IGSF11: variants seen among roughly 807,000 people sequenced by gnomAD.
IGSF11 encodes immunoglobulin superfamily member 11.
In IGSF11, 22 loss-of-function variants were observed where a neutral mutation model predicts 41.0. The ratio of observed to expected loss-of-function variants is 0.54; its 90% CI spans 0.38 to 0.77. The LOEUF (loss-of-function observed/expected upper bound fraction) is 0.77. Among genes scored for constraint, IGSF11 ranks in the 30% least tolerant of loss-of-function variants. The pLI is 0.00. For missense variants in IGSF11, 444 were observed against 530.8 expected, an observed-to-expected ratio of 0.84 and a Z score of 1.61; for synonymous variants, 219 against 201.3, an observed-to-expected ratio of 1.09 and a Z score of -0.74.
rs369056259 is a variant in IGSF11 at position 119,005,869 on chromosome 3, C to A, written c.52+28662G>T. Among the ~76,000 whole-genome samples the A allele has an allele frequency of 9.2e-3, 1,168 of 127,412 alleles. 4 individuals carry two copies. The highest frequency in any genetic ancestry group is 0.015 in the Non-Finnish European group (922 of 62,466). The allele number at this position is 127,412 out of a possible 152,430, so 83.6% of individuals were successfully genotyped here. On this transcript the variant is annotated intron_variant, in intron 1 of 6. Transcript: ENST00000393775. ...GATGGGCTTCCCTTTGAGGGTAACCCGACCTTTCTCTCTGGCTGCCCTTAA... is the reference window on the plus strand; with the variant it reads ...GATGGGCTTCCCTTTGAGGGTAACCAGACCTTTCTCTCTGGCTGCCCTTAA...
rs948952448 is a variant in IGSF11, at chr3:119,138,687, G to GA, written c.-14+7125dup. Among the ~76,000 whole-genome samples, 104 of 150,304 alleles carry GA rather than the reference G, an allele frequency of 6.9e-4. 1 individual carries two copies. The South Asian group carries it at 0.01, about 15-fold the overall frequency. ...GCAACATAGCAAGACTCTGTCTCAA[G>GA]AAAAAAAAATGGGATCCTGTCATTT... is the stretch of plus-strand genomic sequence containing the variant. On this transcript the variant is annotated intron_variant, in intron 1 of 7. Transcript: ENST00000425327.
At chr3:119,060,596 C>T (rs1942022910) in intron 1 of IGSF11, among the ~76,000 whole-genome samples, 1 of 152,134 alleles carries the variant, frequency 6.6e-6, no homozygotes, top group Non-Finnish European at 1.5e-5. Flanking sequence ...AGTAATTTTA[C>T]TTCATTTTTC....
intron 1 of IGSF11, among the ~76,000 whole-genome samples, chr3:119,012,219 A>G (rs1938213631): frequency 6.6e-6 from 1 of 152,218 alleles, no homozygotes; most frequent in South Asian, 2.1e-4. Flanking sequence ...GGGACCTCTG[A>G]GAAATATGGA....
intron 1 of IGSF11, among the ~76,000 whole-genome samples, chr3:119,013,797 T>C (rs544021118): frequency 6.6e-6 from 1 of 152,350 alleles, no homozygotes; most frequent in South Asian, 2.1e-4. Context: ...ATCTAGTTAA[T>C]GGCAAAGATA....
intron 1 of IGSF11, chr3:119,105,105 C>T: frequency 1.4e-6 from 2 of 1,384,412 alleles, no homozygotes; most frequent in East Asian, 2.3e-5. Flanking sequence ...ATAATAACCA[C>T]TAATAGTAAT....
At chr3:118,965,133 T>G (rs1945583124) in intron 1 of IGSF11, among the ~76,000 whole-genome samples, 13 of 152,158 alleles carry the variant, frequency 8.5e-5, no homozygotes, top group Admixed American at 8.5e-4. Context: ...ACTCATAGGC[T>G]GATTATCTTC....
chr3:119,113,095 C>A (rs972231792), intron 1 of IGSF11, among the ~76,000 whole-genome samples: 1 of 152,176 alleles, frequency 6.6e-6, no homozygotes, highest in Admixed American at 6.5e-5. Flanking sequence ...GCCCCACGAT[C>A]CAATTACATC....
chr3:118,978,860 A>G (rs1022208721), intron 1 of IGSF11, among the ~76,000 whole-genome samples: 6 of 152,244 alleles, frequency 3.9e-5, no homozygotes, highest in African/African-American at 1.4e-4. Context: ...ATGTAAGGAC[A>G]CAGAAAACAT....
At chr3:118,986,202 C>T (rs1161089922) in intron 1 of IGSF11, among the ~76,000 whole-genome samples, 1 of 152,160 alleles carries the variant, frequency 6.6e-6, no homozygotes, top group Non-Finnish European at 1.5e-5. Flanking sequence ...CCACCCCTCA[C>T]TCCTCTCCCG....
In IGSF11 at chr3:119,084,767, C is replaced by T. The variant is rs535218703; in HGVS notation, c.49+20377G>A. The stretch of plus-strand genomic sequence containing the variant: ...GAGTGCATTCTGGCAGTTTGTAAGC[C>T]CTTCATATCTCTCAGTGCACCCAGA... On this transcript the variant is annotated intron_variant, in intron 1 of 6. Coordinates refer to the IGSF11 transcript ENST00000354673. Among the ~76,000 whole-genome samples the T allele has an allele frequency of 2.0e-5, 3 of 152,324 alleles. No individual in the cohort carries two copies. The South Asian group carries it at 6.2e-4, about 32-fold the overall frequency.
chr3:118,949,993 G>T (rs1422559540), intron 1 of IGSF11, among the ~76,000 whole-genome samples: 1 of 152,288 alleles, frequency 6.6e-6, no homozygotes, highest in African/African-American at 2.4e-5. Flanking sequence ...AGGTTCTGCT[G>T]GAGAGGGGAA....
Position 119,138,466 on chromosome 3 carries a change from C to T in IGSF11, c.-14+7347G>A, listed in dbSNP as rs113861143. ...TTGGGAGGCCAAAGCAGGCAGATCA[C>T]TTGAGTTCTGGAATTCGAGACCAGC... On this transcript the variant is annotated intron_variant, in intron 1 of 7. Transcript: ENST00000425327. Among the ~76,000 whole-genome samples, 549 of 152,316 alleles carry T rather than the reference C, an allele frequency of 3.6e-3. 2 individuals carry two copies. Among genetic ancestry groups the T allele is most frequent in the African/African-American group, 0.012 (513 of 41,558 alleles).
At chr3:118,969,117 G>C (rs1933066040) in intron 1 of IGSF11, among the ~76,000 whole-genome samples, 1 of 151,194 alleles carries the variant, frequency 6.6e-6, no homozygotes, top group Non-Finnish European at 1.5e-5. Context: ...TCATCGAGTT[G>C]GAGAAAAAAA....
At chr3:119,076,105 C>T (rs1187789828) in intron 1 of IGSF11, among the ~76,000 whole-genome samples, 1 of 152,072 alleles carries the variant, frequency 6.6e-6, no homozygotes, top group South Asian at 2.1e-4. Flanking sequence ...GAAATAATAC[C>T]ACACATCTAC....
chr3:118,901,671 G>C lies in IGSF11; in HGVS notation c.*849C>G, dbSNP rs1003679059. 1 of 151,074 alleles carries C rather than the reference G, an allele frequency of 6.6e-6. No individual in the cohort carries two copies. The highest frequency in any genetic ancestry group is 6.6e-5 in the Admixed American group (1 of 15,130). 9.4% of individuals were successfully genotyped at this position (151,074 alleles called of 1,614,324 possible). A position where few individuals can be genotyped will look rare whatever the true frequency, so the allele number is the denominator to read the frequency against. On this transcript the variant is annotated 3_prime_UTR_variant, in exon 7 of 7. Coordinates refer to ENST00000393775, the MANE Select transcript of IGSF11 (RefSeq NM_001015887.3). ...CGGTCATGATATGATGGACCTCTAT[G>C]AGCTCACTAAATACAACCATTGAAC...
At chr3:118,981,376 T>C (rs1273995401) in intron 1 of IGSF11, among the ~76,000 whole-genome samples, 1 of 152,186 alleles carries the variant, frequency 6.6e-6, no homozygotes, top group Non-Finnish European at 1.5e-5. Flanking sequence ...TTTCACCATG[T>C]TGGCTCAAAC....
chr3:118,925,608 C>CT (rs763348497), intron 4 of IGSF11, among the ~76,000 whole-genome samples: 12 of 152,118 alleles, frequency 7.9e-5, no homozygotes, highest in Non-Finnish European at 1.5e-4. Context: ...CCATTATTAC[C>CT]TGTTTGGTGT....
chr3:119,030,681 C>A (rs1036086218), intron 1 of IGSF11, among the ~76,000 whole-genome samples: 1 of 152,180 alleles, frequency 6.6e-6, no homozygotes, highest in African/African-American at 2.4e-5. Context: ...GAACCAACAA[C>A]CTCTCTTAAG....
At chr3:118,920,061 G>A (rs866997980) in intron 4 of IGSF11, among the ~76,000 whole-genome samples, 1 of 137,604 alleles carries the variant, frequency 7.3e-6, no homozygotes, top group South Asian at 2.5e-4. Flanking sequence ...ATTGAACAAT[G>A]AGATCACCTG....
Sources: gnomAD v4.1 joint callset for allele counts (sites outside exome capture counted in the v4.1 genomes callset) on GRCh38, gnomAD v4.1.1 for gene constraint, MANE v1.5 for transcripts, NCBI Gene and HGNC (gene_info 2026-07-23, HGNC 2026-07-21) for gene names.